LDLRAD3: variants seen among roughly 807,000 people sequenced by gnomAD.
LDLRAD3 encodes low density lipoprotein receptor class A domain containing 3.
LDLRAD3 carries 20 observed loss-of-function variants against 29.4 expected under a neutral mutation model. The ratio of observed to expected loss-of-function variants is 0.68; its 90% CI spans 0.48 to 0.99. The LOEUF is 0.99. Ranked by LOEUF, LDLRAD3 falls within the 50% of genes least tolerant of loss-of-function variation. The pLI, the probability that LDLRAD3 is intolerant of heterozygous loss-of-function variation, is 0.00. For missense variants in LDLRAD3, 420 were observed against 454.3 expected, an observed-to-expected ratio of 0.92 and a Z score of 0.69; for synonymous variants, 157 against 192.7, an observed-to-expected ratio of 0.81 and a Z score of 1.53.
At chr11:36,030,541 G>C (rs1275375113) in intron 1 of LDLRAD3, among the ~76,000 whole-genome samples, 1 of 152,242 alleles carries the variant, frequency 6.6e-6, no homozygotes, top group South Asian at 2.1e-4. Context: ...CACTATGTTT[G>C]TTGGCACTGG....
intron 1 of LDLRAD3, among the ~76,000 whole-genome samples, chr11:35,952,364 T>C (rs1396756124): frequency 6.6e-6 from 1 of 152,156 alleles, no homozygotes; most frequent in Non-Finnish European, 1.5e-5. Context: ...CAATATTGAC[T>C]TCATGCTTAT....
intron 1 of LDLRAD3, among the ~76,000 whole-genome samples, chr11:35,990,793 C>T (rs2133166841): frequency 6.6e-6 from 1 of 152,290 alleles, no homozygotes; most frequent in East Asian, 1.9e-4. Flanking sequence ...CCACTCATTG[C>T]ATTAGAACTC....
chr11:36,094,489 G>GGGCTT (rs1853329521), intron 3 of LDLRAD3, among the ~76,000 whole-genome samples: 1 of 152,202 alleles, frequency 6.6e-6, no homozygotes, highest in Admixed American at 6.5e-5. Flanking sequence ...CATTGTAACA[G>GGGCTT]TATAACACAT....
At chr11:36,131,387 G>A (rs189273469) in intron 4 of LDLRAD3, among the ~76,000 whole-genome samples, 2 of 152,278 alleles carry the variant, frequency 1.3e-5, no homozygotes, top group Non-Finnish European at 2.9e-5. Flanking sequence ...TATAAAGTGA[G>A]GTTTTCGAAA....
intron 1 of LDLRAD3, among the ~76,000 whole-genome samples, chr11:35,947,135 G>A (rs140714355): frequency 1.1e-3 from 172 of 152,326 alleles, no homozygotes; most frequent in African/African-American, 4.0e-3. Flanking sequence ...GTTGAAAGTG[G>A]ACTTGTATTG....
intron 4 of LDLRAD3, among the ~76,000 whole-genome samples, chr11:36,205,570 C>A (rs2133377550): frequency 6.6e-6 from 1 of 152,282 alleles, no homozygotes; most frequent in East Asian, 1.9e-4. Context: ...TGTTATTCCC[C>A]CAAAGTCTTT....
intron 1 of LDLRAD3, among the ~76,000 whole-genome samples, chr11:35,947,243 T>G (rs150078031): frequency 0.01 from 1,527 of 152,328 alleles, 20 homozygotes; most frequent in African/African-American, 0.035. Flanking sequence ...GAGTAATGGC[T>G]CACGCCTGTA....
In LDLRAD3 at chr11:36,163,112, G is replaced by A. The variant is rs569384083; in HGVS notation, c.455-63973G>A. On this transcript the variant is annotated intron_variant, in intron 4 of 5. Coordinates refer to ENST00000315571, the MANE Select transcript of LDLRAD3 (RefSeq NM_174902.4). ...TGGGAGCAGAAAAAGCAATGCAAAC[G>A]CATTAGGCGAGAAGCCAGGGCGGAT... Among the ~76,000 whole-genome samples the A allele has an allele frequency of 1.7e-4, 26 of 152,352 alleles. No individual in the cohort carries two copies. The East Asian group carries it at 3.1e-3, about 18-fold the overall frequency.
At chr11:36,069,796 A>G (rs1333353755) in intron 2 of LDLRAD3, among the ~76,000 whole-genome samples, 1 of 152,112 alleles carries the variant, frequency 6.6e-6, no homozygotes, top group Non-Finnish European at 1.5e-5. Context: ...AATTCCACAA[A>G]CACTAAAATT....
At chr11:36,128,294 G>T (rs1853872288) in intron 4 of LDLRAD3, among the ~76,000 whole-genome samples, 1 of 151,970 alleles carries the variant, frequency 6.6e-6, no homozygotes, top group African/African-American at 2.4e-5. Context: ...GAGCTCCTCT[G>T]CCTCCTGCTA....
At chr11:36,069,335 T>C (rs992501665) in intron 2 of LDLRAD3, among the ~76,000 whole-genome samples, 3 of 152,232 alleles carry the variant, frequency 2.0e-5, no homozygotes, top group Admixed American at 6.5e-5. Flanking sequence ...TTTGCTTTCT[T>C]GTCCCCAACC....
intron 1 of LDLRAD3, among the ~76,000 whole-genome samples, chr11:35,981,321 A>G (rs988127096): frequency 6.6e-6 from 1 of 152,056 alleles, no homozygotes; most frequent in Non-Finnish European, 1.5e-5. Context: ...TTTCTCAGCT[A>G]TGTGACCTTG....
At chr11:36,212,306 C>G (rs1433198066) in intron 4 of LDLRAD3, among the ~76,000 whole-genome samples, 1 of 152,098 alleles carries the variant, frequency 6.6e-6, no homozygotes, top group African/African-American at 2.4e-5. Flanking sequence ...CGTGCTGTCT[C>G]TCATTGGCTT....
At chr11:36,017,497 T>C (rs1011617626) in intron 1 of LDLRAD3, among the ~76,000 whole-genome samples, 5 of 152,090 alleles carry the variant, frequency 3.3e-5, no homozygotes, top group African/African-American at 1.2e-4. Context: ...ATTGTGCTTT[T>C]TCTTCATGAT....
rs989795690 is a variant in LDLRAD3, at chr11:36,230,134, A to C, written c.*737A>C. ...CTAAAATAGGCAGGGAGCCCCTCCCATGAGTTTATCCAAGTTCTCAGCTCC... is the reference window on the plus strand; with the variant it reads ...CTAAAATAGGCAGGGAGCCCCTCCCCTGAGTTTATCCAAGTTCTCAGCTCC... On this transcript the variant is annotated 3_prime_UTR_variant, in exon 6 of 6. Transcript: ENST00000315571. 3.3e-5 allele frequency: 5 copies of C among 152,266 alleles called. No homozygotes were observed. Among genetic ancestry groups the C allele is most frequent in the Admixed American group, 2.6e-4 (4 of 15,288 alleles). 9.4% of individuals were successfully genotyped at this position (152,266 alleles called of 1,614,324 possible). A position where few individuals can be genotyped will look rare whatever the true frequency, so the allele number is the denominator to read the frequency against.
chr11:36,081,883 A>G, intron 3 of LDLRAD3, 105 bp downstream of exon 3: 1 of 1,348,178 alleles, frequency 7.4e-7, no homozygotes, highest in Non-Finnish European at 1.0e-6. Context: ...CTAGAGGCTC[A>G]GGCATTCTCT....
At chr11:36,164,362 C>T (rs1854486153) in intron 4 of LDLRAD3, among the ~76,000 whole-genome samples, 1 of 152,226 alleles carries the variant, frequency 6.6e-6, no homozygotes, top group Non-Finnish European at 1.5e-5. Flanking sequence ...TCAATAAACT[C>T]ATCACTCAAA....
At chr11:36,203,698 G>T (rs769927412) in intron 4 of LDLRAD3, among the ~76,000 whole-genome samples, 2 of 152,174 alleles carry the variant, frequency 1.3e-5, no homozygotes, top group Non-Finnish European at 2.9e-5. Flanking sequence ...AAGAAGTGTA[G>T]ATTGTCCCTC....
intron 4 of LDLRAD3, among the ~76,000 whole-genome samples, chr11:36,175,954 C>T (rs971328780): frequency 1.3e-5 from 2 of 152,086 alleles, no homozygotes; most frequent in Non-Finnish European, 2.9e-5. Context: ...TTTCTTAGGT[C>T]TAGAGGTAAT....
Sources: allele counts gnomAD v4.1 joint callset (sites outside exome capture counted in the v4.1 genomes callset), GRCh38; gene constraint gnomAD v4.1.1; transcripts MANE v1.5; gene names NCBI Gene and HGNC (gene_info 2026-07-23, HGNC 2026-07-21).